The following DNAJA4 variants were observed in gnomAD, a reference collection of about 807,000 sequenced individuals.
DNAJA4 encodes dnaJ homolog subfamily A member 4.
A neutral mutation model predicts 39.7 loss-of-function variants in DNAJA4; 32 were observed. That is an observed-to-expected ratio of 0.81 (90% confidence interval 0.61 to 1.08). The LOEUF (loss-of-function observed/expected upper bound fraction) is 1.08, where lower values mean the gene tolerates loss of function less well. Ranked by LOEUF, DNAJA4 falls within the 50% of genes least tolerant of loss-of-function variation. The pLI is 0.00. For synonymous variants in DNAJA4, 184 were observed against 182.4 expected, an observed-to-expected ratio of 1.01 and a Z score of -0.07; for missense variants, 439 against 505.1, an observed-to-expected ratio of 0.87 and a Z score of 1.25.
At position 78,264,750 on chromosome 15, in the gene DNAJA4, C is replaced by T. The variant is rs578060742; in HGVS notation, c.-14C>T. 5.3e-3 allele frequency: 8,336 copies of T among 1,571,470 alleles called. 48 individuals carry two copies. The highest frequency in any genetic ancestry group is 6.1e-3 in the Non-Finnish European group (7,096 of 1,156,352). Reference sequence around the variant, plus strand: ...GCTCTGACCGGCCTCGCCCGCCCCCCCCGCAGACACAAGATGGTGAAGGAG... The same window carrying T: ...GCTCTGACCGGCCTCGCCCGCCCCCTCCGCAGACACAAGATGGTGAAGGAG... On this transcript the variant is annotated 5_prime_UTR_variant, in exon 1 of 7. Coordinates refer to ENST00000394852, the MANE Select transcript of DNAJA4 (RefSeq NM_001130182.2).
chr15:78,274,073 T>C lies in DNAJA4; in HGVS notation c.419-124T>C, dbSNP rs1351241573. The C allele has an allele frequency of 1.4e-5, 11 of 793,548 alleles. No individual in the cohort carries two copies. The East Asian group carries it at 2.4e-4, about 17-fold the overall frequency. The allele number at this position is 793,548 out of a possible 1,614,324, so 49.2% of individuals were successfully genotyped here. ...ACTCTTCTGCATTGTTTTTTATTAT[T>C]GTAAATAGAATTCTAAGCCCATTGT... On this transcript the variant is annotated intron_variant, in intron 3 of 6. Coordinates refer to ENST00000394852, the MANE Select transcript of DNAJA4 (RefSeq NM_001130182.2).
At chr15:78,275,227 C>G in intron 4 of DNAJA4, 1 of 442,436 alleles carries the variant, frequency 2.3e-6, no homozygotes, top group African/African-American at 1.9e-5. Context: ...ATCACAGGCC[C>G]TGGGCAGGGA....
At chr15:78,274,119 C>T (rs2049378163) in intron 3 of DNAJA4, 78 bp from the exon 4 acceptor site, 2 of 1,419,280 alleles carry the variant, frequency 1.4e-6, no homozygotes, top group East Asian at 2.4e-5. Flanking sequence ...GGTTCCCTAC[C>T]CTTCTGCCAT....
chr15:78,273,114 G>A lies in DNAJA4; in HGVS notation c.333G>A (p.Gln111=). ...RERRGKNVVH[Q]LSVTLEDLYN... ...GCTAAGGCAAGAATGTTGTACACCAGTTATCTGTAACTCTTGAAGATCTAT... is the reference window on the plus strand; with the variant it reads ...GCTAAGGCAAGAATGTTGTACACCAATTATCTGTAACTCTTGAAGATCTAT... Residue 111 remains glutamine (Q), a synonymous_variant, in exon 3 of 7, where the codon CAG becomes CAA. Coordinates refer to ENST00000394852, the MANE Select transcript of DNAJA4 (RefSeq NM_001130182.2). 4 of 1,600,878 alleles carry A rather than the reference G, an allele frequency of 2.5e-6. No individual in the cohort carries two copies. The highest frequency in any genetic ancestry group is 1.7e-5 in the Admixed American group (1 of 59,538).
intron 1 of DNAJA4, chr15:78,266,133 G>T: frequency 1.7e-6 from 2 of 1,168,130 alleles, no homozygotes; most frequent in East Asian, 2.4e-5. Context: ...ACATGGTGCT[G>T]GTGATTCATC....
At chr15:78,268,014 G>C (rs1029453417) in intron 1 of DNAJA4, among the ~76,000 whole-genome samples, 3 of 152,170 alleles carry the variant, frequency 2.0e-5, no homozygotes, top group Non-Finnish European at 2.9e-5. Context: ...TGGGACCCTA[G>C]AGGATGGACT....
intron 2 of DNAJA4, among the ~76,000 whole-genome samples, chr15:78,271,049 TCAAACAAA>T (rs35220396): frequency 1.5e-4 from 23 of 150,668 alleles, no homozygotes; most frequent in African/African-American, 4.9e-4. Context: ...AGACCCTGTC[TCAAACAAA>T]CAAACAAACA....
intron 4 of DNAJA4, 169 bp downstream of exon 4, chr15:78,274,593 A>C: frequency 1.5e-6 from 1 of 651,014 alleles, no homozygotes; most frequent in Non-Finnish European, 2.7e-6. Flanking sequence ...TCCTGGCCTT[A>C]TTTCCATTCC....
At position 78,270,509 on chromosome 15, in the gene DNAJA4, T is replaced by G; in HGVS notation, c.145T>G (p.Ser49Ala). The G allele has an allele frequency of 6.2e-7, 1 of 1,613,552 alleles. No homozygotes were observed. Among genetic ancestry groups the G allele is most frequent in the African/African-American group, 1.3e-5 (1 of 74,998 alleles). Residue 49 changes from serine to alanine, a missense_variant, in exon 2 of 7, where the codon TCC becomes GCC. Transcript: ENST00000394852. ...CTCTCTTTTAAAGTTTAAACTCATA[T>G]CCCAGGCATATGAAGTGCTTTCAGA... ...PDEGEKFKLI[S>A]QAYEVLSDPK...
rs536756767 is a variant in DNAJA4 at position 78,264,625 on chromosome 15, A to AGCG, written c.-123_-121dup. ...GGGCGGGGGGCGGGCGGGAGCTACA[A>AGCG]GCGGCGGCGGCGGCGGCGACCGTGA... On this transcript the variant is annotated 5_prime_UTR_variant, in exon 1 of 7. Coordinates refer to ENST00000394852, the MANE Select transcript of DNAJA4 (RefSeq NM_001130182.2). 0.37 allele frequency: 370,834 copies of AGCG among 989,980 alleles called. 68,315 individuals are homozygous for AGCG. Among genetic ancestry groups the AGCG allele is most frequent in the Non-Finnish European group, 0.39 (322,018 of 824,858 alleles). The allele number at this position is 989,980 out of a possible 1,614,324, so 61.3% of individuals were successfully genotyped here. A position where few individuals can be genotyped will look rare whatever the true frequency, so the allele number is the denominator to read the frequency against.
chr15:78,268,090 CT>C (rs1204433488), intron 1 of DNAJA4, among the ~76,000 whole-genome samples: 1 of 152,216 alleles, frequency 6.6e-6, no homozygotes, highest in East Asian at 1.9e-4. Flanking sequence ...TCCCAAGCAA[CT>C]GGGTACTCCT....
intron 1 of DNAJA4, among the ~76,000 whole-genome samples, chr15:78,267,258 A>T (rs2049164894): frequency 6.6e-6 from 1 of 150,670 alleles, no homozygotes. Context: ...GAACCTTTAA[A>T]TTTTTTTTTC....
At chr15:78,273,677 A>G (rs565733268) in intron 3 of DNAJA4, among the ~76,000 whole-genome samples, 5 of 152,180 alleles carry the variant, frequency 3.3e-5, no homozygotes, top group Non-Finnish European at 7.4e-5. Flanking sequence ...GTAAAGCTTT[A>G]TTTACAAAAC....
chr15:78,264,427 G>T (rs1483228593), upstream of DNAJA4: 3 of 1,343,042 alleles, frequency 2.2e-6, no homozygotes, highest in Admixed American at 8.1e-5. Context: ...CGGGCGTCGG[G>T]GGTCTGGGCC....
chr15:78,280,203 G>A (rs559035230), intron 6 of DNAJA4, 42 bp from the exon 7 acceptor site: 1 of 1,610,562 alleles, frequency 6.2e-7, no homozygotes, highest in South Asian at 1.1e-5. Context: ...AATTGGAAGG[G>A]GAAAAAACAG....
chr15:78,276,784 C>A (rs72736715), intron 5 of DNAJA4, among the ~76,000 whole-genome samples: 1 of 152,068 alleles, frequency 6.6e-6, no homozygotes, highest in Non-Finnish European at 1.5e-5. Context: ...GGGAGGTAAC[C>A]ACCAATAAGC....
intron 5 of DNAJA4, among the ~76,000 whole-genome samples, chr15:78,277,326 T>G (rs181964674): frequency 6.6e-6 from 1 of 152,288 alleles, no homozygotes; most frequent in African/African-American, 2.4e-5. Context: ...CATCTAATGT[T>G]TGTACTTTTT....
At chr15:78,265,625 C>G in intron 1 of DNAJA4, 1 of 702,332 alleles carries the variant, frequency 1.4e-6, no homozygotes, top group Non-Finnish European at 2.6e-6. Context: ...CTTTTCCATC[C>G]TGTTTACAGA....
In DNAJA4 at chr15:78,264,730, G is replaced by C; in HGVS notation, c.-34G>C. The C allele has an allele frequency of 7.2e-7, 1 of 1,385,466 alleles. No homozygotes were observed. The highest frequency in any genetic ancestry group is 2.5e-5 in the Admixed American group (1 of 40,372). The allele number at this position is 1,385,466 out of a possible 1,614,324, so 85.8% of individuals were successfully genotyped here. A position where few individuals can be genotyped will look rare whatever the true frequency, so the allele number is the denominator to read the frequency against. ...CCGGCAGGGGCGTCCGGGGCGCTCT[G>C]ACCGGCCTCGCCCGCCCCCCCCGCA... On this transcript the variant is annotated 5_prime_UTR_variant, in exon 1 of 7. Transcript: ENST00000394852.
Sources: allele counts gnomAD v4.1 joint callset (sites outside exome capture counted in the v4.1 genomes callset), GRCh38; gene constraint gnomAD v4.1.1; transcripts MANE v1.5; gene names NCBI Gene and HGNC (gene_info 2026-07-23, HGNC 2026-07-21).